The following DPP6 variants were observed in gnomAD, a reference collection of about 807,000 sequenced individuals.
The protein encoded by DPP6 is dipeptidyl peptidase like 6.
DPP6 carries 69 observed loss-of-function variants against 122.6 expected under a neutral mutation model. The ratio of observed to expected loss-of-function variants is 0.56; its 90% CI spans 0.46 to 0.69. The LOEUF (loss-of-function observed/expected upper bound fraction) is 0.69, where lower values mean the gene tolerates loss of function less well. DPP6 is among the 30% of genes least tolerant of loss of function. The probability of loss-of-function intolerance (pLI) is 0.00; values close to 1 mark genes in which losing one functional copy is unlikely to be tolerated. For synonymous variants in DPP6, 418 were observed against 433.1 expected (o/e 0.97, Z 0.43); for missense variants, 928 against 1,116.9 (o/e 0.83, Z 2.41).
At chr7:154,208,811 T>G (rs1424274349) in intron 1 of DPP6, among the ~76,000 whole-genome samples, 2 of 152,116 alleles carry the variant, frequency 1.3e-5, no homozygotes, top group Non-Finnish European at 2.9e-5. Flanking sequence ...GATCTCTGTC[T>G]CATCAGAATA....
intron 1 of DPP6, among the ~76,000 whole-genome samples, chr7:153,981,440 G>T (rs1234963490): frequency 6.6e-6 from 1 of 152,122 alleles, no homozygotes; most frequent in African/African-American, 2.4e-5. Context: ...GTGTGTCTCT[G>T]CATGTGAAGT....
At chr7:154,365,020 T>C (rs1812035517) in intron 1 of DPP6, among the ~76,000 whole-genome samples, 2 of 152,212 alleles carry the variant, frequency 1.3e-5, no homozygotes, top group African/African-American at 4.8e-5. Context: ...GGGAGGGTTC[T>C]ATCAGTGAGT....
At chr7:154,347,544 G>T (rs1255484480) in intron 1 of DPP6, among the ~76,000 whole-genome samples, 2 of 152,176 alleles carry the variant, frequency 1.3e-5, no homozygotes, top group East Asian at 3.8e-4. Flanking sequence ...TGATTAAAGG[G>T]AAAACTAAAT....
intron 1 of DPP6, among the ~76,000 whole-genome samples, chr7:154,167,235 G>A (rs1257707851): frequency 1.3e-5 from 2 of 152,212 alleles, no homozygotes; most frequent in African/African-American, 4.8e-5. Context: ...CGTGGTGTGT[G>A]CTGCATTGAG....
chr7:154,760,150 A>G lies in DPP6; in HGVS notation c.884-9267A>G, dbSNP rs1483711202. On this transcript the variant is annotated intron_variant, in intron 8 of 25. Transcript: ENST00000377770. The surrounding 1 kb of genome is among the most constrained non-coding windows in gnomAD (Gnocchi z 4.5). ...AACAAAAAAAAGTCTATTCCCAAGGAGACAGGCATCCAGCTCAACTCTGCC... is the reference window on the plus strand; with the variant it reads ...AACAAAAAAAAGTCTATTCCCAAGGGGACAGGCATCCAGCTCAACTCTGCC... Among the ~76,000 whole-genome samples the G allele has an allele frequency of 6.6e-6, 1 of 152,156 alleles. No individual in the cohort carries two copies. The highest frequency in any genetic ancestry group is 1.5e-5 in the Non-Finnish European group (1 of 68,032).
intron 20 of DPP6, among the ~76,000 whole-genome samples, chr7:154,878,842 G>A (rs1391296161): frequency 6.6e-6 from 1 of 152,244 alleles, no homozygotes; most frequent in Non-Finnish European, 1.5e-5. Context: ...ACGTGCTCAT[G>A]TGTACACACA....
chr7:153,878,530 C>T, the DPP6 span, among the ~76,000 whole-genome samples: 2 of 152,144 alleles, frequency 1.3e-5, no homozygotes, highest in African/African-American at 2.4e-5. Flanking sequence ...AAGCCATTCA[C>T]ATTGATTCCA....
intron 1 of DPP6, among the ~76,000 whole-genome samples, chr7:154,269,041 C>G (rs1299400363): frequency 6.6e-6 from 1 of 150,462 alleles, no homozygotes; most frequent in East Asian, 1.9e-4. Context: ...AGTAAGTCTC[C>G]TAAGTATATG....
chr7:154,862,528 A>T (rs1803495155), intron 17 of DPP6, among the ~76,000 whole-genome samples: 1 of 152,222 alleles, frequency 6.6e-6, no homozygotes, highest in East Asian at 1.9e-4. Flanking sequence ...CCACGCATGG[A>T]GCTGCACGCC....
At chr7:154,055,344 T>G (rs1296251108) in intron 1 of DPP6, among the ~76,000 whole-genome samples, 2 of 136,606 alleles carry the variant, frequency 1.5e-5, no homozygotes, top group Non-Finnish European at 3.1e-5. Flanking sequence ...TTAGAAAAGT[T>G]CCTCAGAATA....
intron 5 of DPP6, among the ~76,000 whole-genome samples, chr7:154,607,391 C>A (rs73485718): frequency 0.033 from 3,800 of 115,374 alleles, 743 homozygotes; most frequent in African/African-American, 0.097. Context: ...AACCCCCCGT[C>A]TCTACTAAAA....
chr7:154,552,802 G>A (rs190728959), intron 4 of DPP6, among the ~76,000 whole-genome samples: 73 of 152,298 alleles, frequency 4.8e-4, no homozygotes, highest in Non-Finnish European at 7.8e-4. Context: ...TCATTGGAGG[G>A]TATGATACAG....
chr7:154,296,180 G>A (rs556289652), intron 1 of DPP6, among the ~76,000 whole-genome samples: 1 of 152,084 alleles, frequency 6.6e-6, no homozygotes, highest in Admixed American at 6.5e-5. Context: ...TCGTGACCTT[G>A]TGATCCGCCT....
At chr7:154,500,005 G>C (rs1005827875) in intron 3 of DPP6, among the ~76,000 whole-genome samples, 6 of 152,150 alleles carry the variant, frequency 3.9e-5, no homozygotes, top group African/African-American at 1.4e-4. Context: ...CACAATACAT[G>C]CTTAGTGCCC....
At chr7:154,424,586 G>T (rs538242980) in intron 1 of DPP6, among the ~76,000 whole-genome samples, 3 of 152,198 alleles carry the variant, frequency 2.0e-5, no homozygotes, top group Admixed American at 6.5e-5. Flanking sequence ...TTGAGCCCAC[G>T]TGGATAATTC....
chr7:154,621,645 G>A lies in DPP6; in HGVS notation c.628-16176G>A, dbSNP rs376123112. On this transcript the variant is annotated intron_variant, in intron 5 of 25. Transcript: ENST00000377770. Reference sequence around the variant, plus strand: ...GCCTCCCAAAGTGCTAAGATTAGAGGCATGAGCTACCGCACCAGGCCTCTA... The same window carrying A: ...GCCTCCCAAAGTGCTAAGATTAGAGACATGAGCTACCGCACCAGGCCTCTA... Among the ~76,000 whole-genome samples the A allele has an allele frequency of 3.5e-4, 54 of 152,300 alleles. 3 individuals are homozygous for A. In the South Asian group the frequency reaches 0.011, roughly 30 times the overall value.
intron 1 of DPP6, among the ~76,000 whole-genome samples, chr7:154,098,381 G>GTATGTC (rs1476177606): frequency 6.6e-6 from 1 of 152,084 alleles, no homozygotes. Flanking sequence ...CCAGTATTAG[G>GTATGTC]TATGTCTTTA....
chr7:154,459,974 CTTTT>C (rs71184004), intron 2 of DPP6, among the ~76,000 whole-genome samples: 2 of 58,566 alleles, frequency 3.4e-5, no homozygotes, highest in African/African-American at 7.4e-5. Context: ...TATTCATGTG[CTTTT>C]TTTTTTTTTT....
intron 1 of DPP6, among the ~76,000 whole-genome samples, chr7:153,901,751 G>A (rs537365480): frequency 6.6e-6 from 1 of 152,308 alleles, no homozygotes; most frequent in South Asian, 2.1e-4. Context: ...GAAGAATGAA[G>A]ATGCTGACTC....
Sources: allele counts gnomAD v4.1 joint callset (sites outside exome capture counted in the v4.1 genomes callset), GRCh38; gene constraint gnomAD v4.1.1; non-coding constraint Gnocchi (gnomAD v3.1); transcripts MANE v1.5; gene names NCBI Gene and HGNC (gene_info 2026-07-23, HGNC 2026-07-21).